The following ARAP2 variants were observed in gnomAD, a reference collection of about 807,000 sequenced individuals.
ARAP2 encodes ArfGAP with RhoGAP domain, ankyrin repeat and PH domain 2, also known as arf-GAP with Rho-GAP domain, ANK repeat and PH domain-containing protein 2.
ARAP2 carries 148 observed loss-of-function variants against 194.5 expected under a neutral mutation model. The ratio of observed to expected loss-of-function variants is 0.76; its 90% CI spans 0.67 to 0.87. ARAP2 has a LOEUF of 0.87. ARAP2 is among the 40% of genes least tolerant of loss of function. The pLI, the probability that ARAP2 is intolerant of heterozygous loss-of-function variation, is 0.00. For missense variants in ARAP2, 2,128 were observed against 1,989.7 expected (o/e 1.07, Z -1.32); for synonymous variants, 695 against 683.5 (o/e 1.02, Z -0.26).
At chr4:36,032,693 G>A (rs2109366864) in intron 5 of ARAP2, among the ~76,000 whole-genome samples, 1 of 152,044 alleles carries the variant, frequency 6.6e-6, no homozygotes, top group Admixed American at 6.5e-5. Flanking sequence ...TTTATTTTAA[G>A]TTTAGAGGTA....
At chr4:36,110,985 G>T (rs1418386901) in intron 26 of ARAP2, among the ~76,000 whole-genome samples, 2 of 151,716 alleles carry the variant, frequency 1.3e-5, no homozygotes, top group African/African-American at 2.4e-5. Flanking sequence ...TTTAATTAGG[G>T]TATTAATTTT....
intron 22 of ARAP2, among the ~76,000 whole-genome samples, chr4:36,124,508 C>T (rs1300441571): frequency 6.6e-6 from 1 of 151,738 alleles, no homozygotes; most frequent in Non-Finnish European, 1.5e-5. Flanking sequence ...ATATAAAGGT[C>T]AGGTAAGATA....
At chr4:36,212,358 T>C (rs377150253) in intron 5 of ARAP2, 38 bp downstream of exon 5, 2 of 1,463,502 alleles carry the variant, frequency 1.4e-6, no homozygotes, top group African/African-American at 2.8e-5. Context: ...TAACAGTTTA[T>C]TCTAAATAGT....
intron 19 of ARAP2, among the ~76,000 whole-genome samples, chr4:36,144,184 G>A (rs1051316966): frequency 2.0e-5 from 3 of 151,236 alleles, no homozygotes; most frequent in African/African-American, 4.8e-5. Flanking sequence ...ACAAAAATAC[G>A]TTGGTTATAA....
intron 2 of ARAP2, among the ~76,000 whole-genome samples, chr4:36,216,149 G>A (rs1192268104): frequency 6.6e-6 from 1 of 151,566 alleles, no homozygotes; most frequent in Non-Finnish European, 1.5e-5. Flanking sequence ...CCAGATATTT[G>A]GGAGGCTGAG....
intron 27 of ARAP2, among the ~76,000 whole-genome samples, chr4:36,092,342 G>A (rs1245152007): frequency 6.6e-6 from 1 of 152,150 alleles, no homozygotes; most frequent in Admixed American, 6.6e-5. Context: ...GGGCGCAGTG[G>A]CTCACACCTG....
chr4:36,180,606 C>T (rs1197151991), intron 8 of ARAP2, among the ~76,000 whole-genome samples: 1 of 152,178 alleles, frequency 6.6e-6, no homozygotes, highest in Non-Finnish European at 1.5e-5. Context: ...TTTATTTGTG[C>T]TAACCCATAT....
chr4:36,023,070 G>A (rs1008368828), intron 5 of ARAP2, among the ~76,000 whole-genome samples: 1 of 152,230 alleles, frequency 6.6e-6, no homozygotes, highest in Non-Finnish European at 1.5e-5. Context: ...TAGCTACCAA[G>A]GCATTCTCCA....
chr4:36,156,287 G>C (rs1232501467), intron 15 of ARAP2, among the ~76,000 whole-genome samples: 1 of 135,902 alleles, frequency 7.4e-6, no homozygotes, highest in Non-Finnish European at 1.6e-5. Context: ...GAAAAAGGAA[G>C]GAAGGAAAGA....
chr4:36,165,826 G>A (rs934070430), intron 10 of ARAP2, among the ~76,000 whole-genome samples: 1 of 152,046 alleles, frequency 6.6e-6, no homozygotes, highest in African/African-American at 2.4e-5. Context: ...TACATACTTG[G>A]TCAATGACCC....
intron 5 of ARAP2, among the ~76,000 whole-genome samples, chr4:36,040,875 T>C (rs1720746712): frequency 6.6e-6 from 1 of 152,156 alleles, no homozygotes; most frequent in Non-Finnish European, 1.5e-5. Context: ...CAATACTATG[T>C]TGTATAGGAG....
At chr4:36,241,131 G>A (rs1048321974) in intron 1 of ARAP2, among the ~76,000 whole-genome samples, 1 of 152,152 alleles carries the variant, frequency 6.6e-6, no homozygotes, top group South Asian at 2.1e-4. Flanking sequence ...TATTCTTCTA[G>A]AGTTTCTACA....
rs78105962 is a variant in ARAP2 at position 36,122,675 on chromosome 4, A to G, written c.3747-1349T>C. 5.5e-3 allele frequency among the ~76,000 whole-genome samples: 837 copies of G among 151,890 alleles called. 12 individuals are homozygous for G. The highest frequency in any genetic ancestry group is 0.019 in the African/African-American group (789 of 41,486). ...GGGTACTAGGCTTAATACCCGGATG[A>G]GGAAATAATCTGTACAACAAACCCC... On this transcript the variant is annotated intron_variant, in intron 22 of 32. Transcript: ENST00000303965.
intron 9 of ARAP2, 73 bp downstream of exon 9, chr4:36,177,754 A>G (rs1188644564): frequency 7.1e-7 from 1 of 1,410,022 alleles, no homozygotes; most frequent in East Asian, 2.4e-5. Context: ...ATCACTAATA[A>G]TCCTTCCAAA....
At chr4:36,168,558 C>T (rs575737478) in intron 9 of ARAP2, among the ~76,000 whole-genome samples, 33 of 152,106 alleles carry the variant, frequency 2.2e-4, no homozygotes, top group Non-Finnish European at 4.1e-4. Flanking sequence ...ATAACAAATG[C>T]CCCCCAACTT....
At chr4:36,213,214 G>A (rs1429065936) in intron 4 of ARAP2, 29 bp downstream of exon 4, 1 of 1,445,768 alleles carries the variant, frequency 6.9e-7, no homozygotes, top group Admixed American at 1.8e-5. Flanking sequence ...AATTGATTAT[G>A]GAAAACAATT....
At chr4:36,174,357 T>C (rs1332791775) in intron 9 of ARAP2, among the ~76,000 whole-genome samples, 2 of 152,198 alleles carry the variant, frequency 1.3e-5, no homozygotes, top group East Asian at 3.8e-4. Context: ...TGGTGCTAAA[T>C]ATTTAAGGGA....
chr4:36,227,735 GT>G (rs1560718026), intron 2 of ARAP2, among the ~76,000 whole-genome samples: 1 of 152,076 alleles, frequency 6.6e-6, no homozygotes, highest in East Asian at 1.9e-4. Context: ...GAACAGCCTC[GT>G]GTCTCAGCAG....
chr4:36,147,324 C>A lies in ARAP2; in HGVS notation c.3235G>T (p.Asp1079Tyr). 1.2e-6 allele frequency: 2 copies of A among 1,612,862 alleles called. No individual in the cohort carries two copies. Among genetic ancestry groups the A allele is most frequent in the Non-Finnish European group, 1.7e-6 (2 of 1,179,200 alleles). ...STMVQNGEKL[D>Y]VLLLVEKGRT... is the part of the protein sequence containing the mutation. ...CCTTTTTCTACCAAGAGTAAAACAT[C>A]CAGTTTTTCCCCATTTTGAACCATT... is the stretch of plus-strand genomic sequence containing the variant. The change falls in exon 19 of 33, where the codon GAT becomes TAT. Residue 1079 changes from aspartate (D) to tyrosine (Y), a missense_variant. Physicochemically the swap from Asp to Tyr is radical, Grantham distance 160 (BLOSUM62 -3). Transcript: ENST00000303965.
Sources: allele counts gnomAD v4.1 joint callset (sites outside exome capture counted in the v4.1 genomes callset), GRCh38; gene constraint gnomAD v4.1.1; transcripts MANE v1.5; gene names NCBI Gene and HGNC (gene_info 2026-07-23, HGNC 2026-07-21).